Variants in TRIM66 observed in about 807,000 individuals in gnomAD.
TRIM66 encodes the protein tripartite motif containing 66.
TRIM66 carries 99 observed loss-of-function variants against 148.2 expected under a neutral mutation model. The ratio of observed to expected loss-of-function variants is 0.67; its 90% confidence interval spans 0.57 to 0.79. TRIM66 has a LOEUF of 0.79. TRIM66 is among the 30% of genes least tolerant of loss of function. The probability of loss-of-function intolerance (pLI) is 0.00; values close to 1 mark genes in which losing one functional copy is unlikely to be tolerated. For synonymous variants in TRIM66, 616 were observed against 635.9 expected (o/e 0.97, Z 0.47); for missense variants, 1,666 against 1,697.9 (o/e 0.98, Z 0.33).
At chr11:8,669,597 C>A (rs140046218) in intron 6 of TRIM66, among the ~76,000 whole-genome samples, 2,995 of 150,858 alleles carry the variant, frequency 0.02, 116 homozygotes, top group African/African-American at 0.069. Context: ...GAGCCGAGAT[C>A]GCACCACTGC....
At chr11:8,673,228 CACACTCTTA>C (rs1387943939) in intron 4 of TRIM66, among the ~76,000 whole-genome samples, 8 of 152,098 alleles carry the variant, frequency 5.3e-5, no homozygotes, top group African/African-American at 1.9e-4. Context: ...GAGCCCGGCC[CACACTCTTA>C]ATTAGTGAAA....
rs772687065 is a variant in TRIM66 at position 8,621,556 on chromosome 11, G to T, written c.3255+89C>A. ...GCAGCCCCATCAGAGACTCAGGAAA[G>T]GTCCCAGAGTCAGAATTCGGGCAGT... is the stretch of plus-strand genomic sequence containing the variant. On this transcript the variant is annotated intron_variant, in intron 19 of 24. Coordinates refer to ENST00000646038, the MANE Select transcript of TRIM66 (RefSeq NM_001388022.1). 1,169 of 1,420,974 alleles carry T rather than the reference G, an allele frequency of 8.2e-4. 1 individual carries two copies. The highest frequency in any genetic ancestry group is 1.0e-3 in the Non-Finnish European group (1,088 of 1,077,120). The allele number at this position is 1,420,974 out of a possible 1,614,324, so 88.0% of individuals were successfully genotyped here.
At chr11:8,678,576 G>A (rs1240983911) in intron 3 of TRIM66, among the ~76,000 whole-genome samples, 6 of 152,074 alleles carry the variant, frequency 3.9e-5, no homozygotes, top group Non-Finnish European at 8.8e-5. Context: ...TGTCTATTAC[G>A]TATAATTTTT....
chr11:8,628,932 C>G (rs770048874), intron 15 of TRIM66, among the ~76,000 whole-genome samples: 1 of 152,104 alleles, frequency 6.6e-6, no homozygotes, highest in East Asian at 1.9e-4. Flanking sequence ...AGTTAAATAT[C>G]TTTTATCTCT....
At chr11:8,630,100 T>G (rs1312327379) in intron 15 of TRIM66, among the ~76,000 whole-genome samples, 1 of 152,238 alleles carries the variant, frequency 6.6e-6, no homozygotes, top group Non-Finnish European at 1.5e-5. Flanking sequence ...CATCCTAGTC[T>G]GTTGCTAGTG....
intron 23 of TRIM66, 100 bp from the exon 24 acceptor site, chr11:8,619,068 G>A: frequency 1.9e-6 from 2 of 1,068,786 alleles, no homozygotes; most frequent in Middle Eastern, 2.1e-4. Flanking sequence ...CTAGCGGGGT[G>A]TCCTGAGGTG....
chr11:8,680,595 C>T (rs10840107), intron 1 of TRIM66: 42,581 of 152,000 alleles, frequency 0.28, 6,093 homozygotes, highest in South Asian at 0.35. Context: ...CTCACCAAGA[C>T]AGAGAATAAA....
At chr11:8,646,325 C>A (rs944448690) in intron 11 of TRIM66, 122 bp downstream of exon 11, 1 of 781,020 alleles carries the variant, frequency 1.3e-6, no homozygotes, top group Non-Finnish European at 2.1e-6. Context: ...ATACAGGGAG[C>A]AGCACAGAGC....
At chr11:8,683,025 G>T, upstream of TRIM66, 1 of 841,608 alleles carries the variant, frequency 1.2e-6, no homozygotes, top group Non-Finnish European at 1.9e-6. Context: ...GGACACGCGG[G>T]CCCCTGCGCT....
intron 15 of TRIM66, 147 bp from the exon 16 acceptor site, chr11:8,625,375 A>T: frequency 1.9e-6 from 2 of 1,045,560 alleles, no homozygotes; most frequent in Non-Finnish European, 2.7e-6. Context: ...CCAGGAACTC[A>T]GGCAATGCAT....
chr11:8,656,764 T>A (rs2037864958), intron 6 of TRIM66, among the ~76,000 whole-genome samples: 1 of 152,178 alleles, frequency 6.6e-6, no homozygotes, highest in African/African-American at 2.4e-5. Flanking sequence ...CTGTCTCCTG[T>A]ATCATGCAGC....
chr11:8,629,426 TG>T (rs776619301), intron 15 of TRIM66, among the ~76,000 whole-genome samples: 11 of 152,216 alleles, frequency 7.2e-5, no homozygotes, highest in Non-Finnish European at 1.3e-4. Flanking sequence ...AGATCCTTGT[TG>T]CCAAGCATTA....
chr11:8,681,980 T>C (rs1014892363), intron 1 of TRIM66, among the ~76,000 whole-genome samples: 2 of 152,148 alleles, frequency 1.3e-5, no homozygotes, highest in Non-Finnish European at 2.9e-5. Flanking sequence ...CAGGCTGGTG[T>C]TGAACTACTC....
At chr11:8,626,251 CA>C (rs1431792281) in intron 15 of TRIM66, among the ~76,000 whole-genome samples, 1 of 152,224 alleles carries the variant, frequency 6.6e-6, no homozygotes, top group African/African-American at 2.4e-5. Context: ...AAATATATAA[CA>C]ATTTCACATC....
chr11:8,653,881 A>G (rs1326349046), intron 6 of TRIM66, among the ~76,000 whole-genome samples: 11 of 152,106 alleles, frequency 7.2e-5, no homozygotes, highest in Non-Finnish European at 1.3e-4. Flanking sequence ...AATGTCCTGC[A>G]TATTCTCCTG....
intron 6 of TRIM66, among the ~76,000 whole-genome samples, chr11:8,669,255 T>C (rs1438593933): frequency 6.6e-6 from 1 of 152,178 alleles, no homozygotes. Context: ...ACTGAAGAAT[T>C]ACGGTAAAGT....
chr11:8,682,055 C>G (rs921060854), intron 1 of TRIM66, among the ~76,000 whole-genome samples: 1 of 152,170 alleles, frequency 6.6e-6, no homozygotes, highest in East Asian at 1.9e-4. Context: ...AGCCACCGCG[C>G]CTGGCCTAAA....
chr11:8,683,114 C>T (rs2039520606), upstream of TRIM66: 12 of 1,371,972 alleles, frequency 8.7e-6, no homozygotes, highest in Admixed American at 1.7e-5. Flanking sequence ...GGTCTTTGAC[C>T]CACAGGCTTA....
chr11:8,664,792 G>C (rs768599639), intron 6 of TRIM66, among the ~76,000 whole-genome samples: 8 of 152,156 alleles, frequency 5.3e-5, no homozygotes, highest in Non-Finnish European at 1.2e-4. Context: ...GCACCGTCTG[G>C]TTGAATGAGA....
Sources: allele counts gnomAD v4.1 joint callset (sites outside exome capture counted in the v4.1 genomes callset), GRCh38; gene constraint gnomAD v4.1.1; transcripts MANE v1.5; gene names NCBI Gene and HGNC (gene_info 2026-07-23, HGNC 2026-07-21).